Variants in TMEM39B observed in about 807,000 individuals in gnomAD.
The protein encoded by TMEM39B is transmembrane protein 39B.
In TMEM39B, 23 loss-of-function variants were observed where a neutral mutation model predicts 52.2. The observed-to-expected ratio is 0.44, with a 90% CI of 0.32 to 0.62. The LOEUF is 0.62. Ranked by LOEUF, TMEM39B falls within the 20% of genes least tolerant of loss-of-function variation. The pLI, the probability that TMEM39B is intolerant of heterozygous loss-of-function variation, is 0.06. For synonymous variants in TMEM39B, 285 were observed against 264.0 expected (o/e 1.08, Z -0.77); for missense variants, 547 against 642.0 (o/e 0.85, Z 1.60).
At position 32,072,956 on chromosome 1, in the gene TMEM39B, T is replaced by C; in HGVS notation, c.-92T>C. 2 of 1,486,076 alleles carry C rather than the reference T, an allele frequency of 1.3e-6. No individual in the cohort carries two copies. Among genetic ancestry groups the C allele is most frequent in the South Asian group, 2.4e-5 (2 of 81,856 alleles). The allele number at this position is 1,486,076 out of a possible 1,614,324, so 92.1% of individuals were successfully genotyped here. On this transcript the variant is annotated 5_prime_UTR_variant, in exon 1 of 9. Coordinates refer to ENST00000336294, the MANE Select transcript of TMEM39B (RefSeq NM_018056.4). ...GCGCGGCTGATACCCGGGACTGGGC[T>C]GCGGCGGTTAGTCCTCTCCCGGCCG... is the stretch of plus-strand genomic sequence containing the variant.
Position 32,092,031 on chromosome 1 carries a change from G to GAGGGA in TMEM39B, c.927+22_927+26dup. ...GTGAAGGTGCGTACCTCAAGCCAGG[G>GAGGGA]AGGGAAAGGGACTAGCTGGGACTTT... On this transcript the variant is annotated intron_variant, in intron 6 of 8. Coordinates refer to ENST00000336294, the MANE Select transcript of TMEM39B (RefSeq NM_018056.4). 1 of 1,603,660 alleles carries GAGGGA rather than the reference G, an allele frequency of 6.2e-7. No homozygotes were observed. Among genetic ancestry groups the GAGGGA allele is most frequent in the Non-Finnish European group, 8.5e-7 (1 of 1,173,764 alleles).
At chr1:32,073,642 G>A in intron 1 of TMEM39B, 1 of 986,038 alleles carries the variant, frequency 1.0e-6, no homozygotes, top group Non-Finnish European at 1.2e-6. Flanking sequence ...AAGGGTGTTT[G>A]TGTGGGATTT....
intron 5 of TMEM39B, among the ~76,000 whole-genome samples, chr1:32,084,063 A>T (rs1640234119): frequency 6.6e-6 from 1 of 152,210 alleles, no homozygotes. Context: ...TCTATCAGTT[A>T]CTTAAAATCA....
chr1:32,101,724 G>T (rs1406689867), intron 8 of TMEM39B, among the ~76,000 whole-genome samples: 1 of 152,128 alleles, frequency 6.6e-6, no homozygotes, highest in Non-Finnish European at 1.5e-5. Context: ...CTGGTCTCTT[G>T]GCCTCCCATT....
At chr1:32,081,411 A>G (rs1415155705) in intron 5 of TMEM39B, among the ~76,000 whole-genome samples, 2 of 151,912 alleles carry the variant, frequency 1.3e-5, no homozygotes, top group Non-Finnish European at 2.9e-5. Flanking sequence ...AGTTGGAACT[A>G]CAGGCATCAG....
intron 3 of TMEM39B, chr1:32,076,390 C>T (rs551427890): frequency 3.7e-4 from 132 of 361,080 alleles, no homozygotes; most frequent in Middle Eastern, 9.9e-4. Context: ...GGATTACAGG[C>T]GTGAGCCACC....
At chr1:32,079,124 T>TA (rs1186272648) in intron 5 of TMEM39B, among the ~76,000 whole-genome samples, 1 of 151,300 alleles carries the variant, frequency 6.6e-6, no homozygotes, top group African/African-American at 2.4e-5. Flanking sequence ...GTGCAGTGGC[T>TA]ATTCACAGGT....
chr1:32,081,728 A>G (rs945762496), intron 5 of TMEM39B, among the ~76,000 whole-genome samples: 2 of 152,120 alleles, frequency 1.3e-5, no homozygotes, highest in Non-Finnish European at 1.5e-5. Context: ...AGCCTGGGCA[A>G]TAGAGTGAGA....
intron 7 of TMEM39B, among the ~76,000 whole-genome samples, chr1:32,096,883 C>T (rs995863017): frequency 6.6e-6 from 1 of 151,832 alleles, no homozygotes; most frequent in Non-Finnish European, 1.5e-5. Flanking sequence ...CAGCTCATTA[C>T]AGCCACAACC....
At chr1:32,089,420 C>G (rs779739513) in intron 5 of TMEM39B, among the ~76,000 whole-genome samples, 3 of 151,890 alleles carry the variant, frequency 2.0e-5, no homozygotes, top group Non-Finnish European at 4.4e-5. Flanking sequence ...GTTTGAACCA[C>G]CACACCCAGC....
chr1:32,090,441 T>C (rs1640557163), intron 5 of TMEM39B, among the ~76,000 whole-genome samples: 1 of 152,080 alleles, frequency 6.6e-6, no homozygotes, highest in Non-Finnish European at 1.5e-5. Flanking sequence ...TCATTACTTA[T>C]ACCTCTCTTG....
chr1:32,076,646 G>A (rs1639873912), intron 3 of TMEM39B, 117 bp from the exon 4 acceptor site: 1 of 1,051,386 alleles, frequency 9.5e-7, no homozygotes, highest in Non-Finnish European at 1.5e-6. Flanking sequence ...GGCCGATGAA[G>A]GTCAGAGAAT....
intron 6 of TMEM39B, among the ~76,000 whole-genome samples, chr1:32,092,578 C>T (rs1410855555): frequency 6.6e-6 from 1 of 152,144 alleles, no homozygotes; most frequent in Admixed American, 6.5e-5. Context: ...GCAACCTCCA[C>T]CTCCCAGGTT....
chr1:32,076,882 G>T (rs1459527429), intron 4 of TMEM39B, 36 bp downstream of exon 4: 5 of 1,608,038 alleles, frequency 3.1e-6, no homozygotes, highest in East Asian at 4.5e-5. Context: ...GGGACTTTGG[G>T]ATTCCCCTTT....
intron 5 of TMEM39B, among the ~76,000 whole-genome samples, chr1:32,082,734 G>A (rs1166443754): frequency 6.6e-6 from 1 of 151,650 alleles, no homozygotes; most frequent in East Asian, 1.9e-4. Context: ...GGGATTACAG[G>A]CATGAACCAC....
chr1:32,077,362 C>T lies in TMEM39B; in HGVS notation c.590+44C>T, dbSNP rs766925286. The stretch of plus-strand genomic sequence containing the variant: ...ACCCCTCACTGCCCAGCACCTGGCC[C>T]CTGACCTCTGCCCTGACCGTAGCTG... On this transcript the variant is annotated intron_variant, in intron 5 of 8. Coordinates refer to ENST00000336294, the MANE Select transcript of TMEM39B (RefSeq NM_018056.4). 3 of 1,611,016 alleles carry T rather than the reference C, an allele frequency of 1.9e-6. No homozygotes were observed. The South Asian group carries it at 3.3e-5, about 18-fold the overall frequency.
intron 5 of TMEM39B, among the ~76,000 whole-genome samples, chr1:32,087,970 G>T (rs1287702653): frequency 6.7e-6 from 1 of 149,324 alleles, no homozygotes; most frequent in Non-Finnish European, 1.5e-5. Flanking sequence ...TTTTTAATGT[G>T]GCTAAATTAT....
intron 7 of TMEM39B, among the ~76,000 whole-genome samples, chr1:32,096,614 C>T (rs1397724796): frequency 6.6e-6 from 1 of 151,828 alleles, no homozygotes; most frequent in African/African-American, 2.4e-5. Context: ...GTGTGCACCA[C>T]CACACCCGGC....
At position 32,075,051 on chromosome 1, in the gene TMEM39B, G is replaced by T; in HGVS notation, c.105G>T (p.Ser35=). The change falls in exon 2 of 9, where the codon TCG becomes TCT. Residue 35 remains serine (S), a synonymous_variant. Coordinates refer to ENST00000336294, the MANE Select transcript of TMEM39B (RefSeq NM_018056.4). ...GSSGSHTSSA[S]VTSVRSRTRS... The stretch of plus-strand genomic sequence containing the variant: ...GTGGAAGCCACACTTCCAGTGCATC[G>T]GTGACCAGTGTTCGTTCCCGCACCA... 1.3e-6 allele frequency: 2 copies of T among 1,551,328 alleles called. No homozygotes were observed. The highest frequency in any genetic ancestry group is 1.7e-6 in the Non-Finnish European group (2 of 1,146,848).
Sources: gnomAD v4.1 joint callset for allele counts (sites outside exome capture counted in the v4.1 genomes callset) on GRCh38, gnomAD v4.1.1 for gene constraint, MANE v1.5 for transcripts, NCBI Gene and HGNC (gene_info 2026-07-23, HGNC 2026-07-21) for gene names.